The following POLA1 variants were observed in gnomAD, a reference collection of about 807,000 sequenced individuals.
POLA1 encodes DNA polymerase alpha catalytic subunit.
Under a neutral mutation model 124.0 loss-of-function variants are expected in POLA1, and 15 were observed. The observed-to-expected ratio is 0.12, with a 90% CI of 0.08 to 0.19. POLA1 has a LOEUF of 0.19. Among genes scored for constraint, POLA1 ranks in the 10% least tolerant of loss-of-function variants. The pLI is 1.00. For synonymous variants in POLA1, 408 were observed against 389.4 expected, an observed-to-expected ratio of 1.05 and a Z score of -0.56; for missense variants, 886 against 1,103.4, an observed-to-expected ratio of 0.80 and a Z score of 2.79.
Position 24,896,381 on chromosome X carries a change from C to T in POLA1, c.4164+8259C>T, listed in dbSNP as rs777221736. Reference sequence around the variant, plus strand: ...CCCATGGGCTGCATGTGGCCCAGGACGGCTTTGAATGCAGCCCAACTCAAA... The same window carrying T: ...CCCATGGGCTGCATGTGGCCCAGGATGGCTTTGAATGCAGCCCAACTCAAA... On this transcript the variant is annotated intron_variant, in intron 35 of 36. Transcript: ENST00000379068. 1.4e-4 allele frequency among the ~76,000 whole-genome samples: 16 copies of T among 112,369 alleles called. No individual in the cohort carries two copies. In the East Asian group the frequency reaches 2.8e-3, roughly 20 times the overall value.
intron 34 of POLA1, among the ~76,000 whole-genome samples, chrX:24,868,063 T>C (rs1249958271): frequency 8.9e-6 from 1 of 112,010 alleles, no homozygotes; most frequent in Non-Finnish European, 1.9e-5. Context: ...GTTCGTATTT[T>C]GTGCTGTACG....
At chrX:24,728,574 C>T (rs952796709) in intron 15 of POLA1, among the ~76,000 whole-genome samples, 7 of 111,839 alleles carry the variant, frequency 6.3e-5, no homozygotes, top group Non-Finnish European at 7.5e-5. Context: ...CACTCCTACT[C>T]TCCAGTTTTT....
In POLA1 at chrX:24,932,060, G is replaced by C. The variant is rs988560695; in HGVS notation, c.4261+1511G>C. Among the ~76,000 whole-genome samples, 3 of 111,901 alleles carry C rather than the reference G, an allele frequency of 2.7e-5. No homozygotes were observed. The South Asian group carries it at 1.1e-3, about 42-fold the overall frequency. On this transcript the variant is annotated intron_variant, in intron 36 of 36. Coordinates refer to ENST00000379068, the MANE Select transcript of POLA1 (RefSeq NM_001330360.2). ...ATTATAGGCATGTGCCACCACACCT[G>C]GCCAATTTTTGTATTTCTAGTAGAG...
intron 36 of POLA1, among the ~76,000 whole-genome samples, chrX:24,972,697 G>A (rs1330323361): frequency 8.9e-6 from 1 of 112,112 alleles, no homozygotes; most frequent in African/African-American, 3.2e-5. Flanking sequence ...CCATAGACCT[G>A]GCTGTCACAG....
intron 4 of POLA1, among the ~76,000 whole-genome samples, chrX:24,712,889 G>A (rs1311276493): frequency 3.6e-5 from 4 of 111,730 alleles, no homozygotes; most frequent in Non-Finnish European, 5.6e-5. Context: ...TAAGTAATTG[G>A]GTCTTATTCT....
intron 36 of POLA1, among the ~76,000 whole-genome samples, chrX:24,940,307 G>A (rs1219237881): frequency 2.7e-5 from 3 of 111,733 alleles, no homozygotes; most frequent in South Asian, 3.7e-4. Context: ...TCCCAGAACC[G>A]TTTTTGGTCT....
Position 24,821,399 on chromosome X carries a change from G to T in POLA1, c.3430-53G>T, listed in dbSNP as rs751565232. ...GCAAAGATGTTTTTAGTGTATATCT[G>T]TGTAAGAAGGGTTTTATTTTAAGGC... On this transcript the variant is annotated intron_variant, in intron 30 of 36. Coordinates refer to ENST00000379068, the MANE Select transcript of POLA1 (RefSeq NM_001330360.2). 86 of 1,060,142 alleles carry T rather than the reference G, an allele frequency of 8.1e-5. No homozygotes were observed. The South Asian group carries it at 1.8e-3, about 23-fold the overall frequency. The allele number at this position is 1,060,142 out of a possible 1,213,427, so 87.4% of individuals were successfully genotyped here.
chrX:24,789,860 C>T (rs1314731798), intron 26 of POLA1, among the ~76,000 whole-genome samples: 1 of 110,448 alleles, frequency 9.1e-6, no homozygotes, highest in Non-Finnish European at 1.9e-5. Context: ...AACTTGAAAG[C>T]CGCTGAGTGC....
At chrX:24,725,149 A>G (rs1354607762) in intron 12 of POLA1, among the ~76,000 whole-genome samples, 1 of 105,509 alleles carries the variant, frequency 9.5e-6, no homozygotes, top group Non-Finnish European at 1.9e-5. Flanking sequence ...TCCTAGCCCT[A>G]TTACTTACTA....
intron 26 of POLA1, among the ~76,000 whole-genome samples, chrX:24,769,429 G>A (rs1385782889): frequency 1.8e-5 from 2 of 111,664 alleles, no homozygotes; most frequent in African/African-American, 6.5e-5. Context: ...TCCTTCCAGG[G>A]CAGCCTGTCT....
intron 36 of POLA1, among the ~76,000 whole-genome samples, chrX:24,963,674 C>T (rs954139840): frequency 4.5e-5 from 5 of 111,060 alleles, no homozygotes; most frequent in Admixed American, 1.9e-4. Flanking sequence ...CAGTAAATGC[C>T]ACTCATTTGA....
At chrX:24,752,548 A>G (rs1569296403) in intron 26 of POLA1, among the ~76,000 whole-genome samples, 1 of 112,118 alleles carries the variant, frequency 8.9e-6, no homozygotes, top group East Asian at 2.8e-4. Flanking sequence ...TAAACCATGA[A>G]GAAAAGGGGT....
chrX:24,739,898 C>T (rs952840184), intron 20 of POLA1, among the ~76,000 whole-genome samples: 4 of 111,697 alleles, frequency 3.6e-5, no homozygotes, highest in African/African-American at 1.3e-4. Context: ...TTTCTTCCTC[C>T]TACTCCTCTG....
At chrX:24,795,536 A>G (rs976930157) in intron 26 of POLA1, among the ~76,000 whole-genome samples, 10 of 111,279 alleles carry the variant, frequency 9.0e-5, no homozygotes, top group African/African-American at 2.9e-4. Flanking sequence ...AATCAGATCT[A>G]TTGCTTAGAT....
chrX:24,809,762 CTGT>C (rs778951490), intron 26 of POLA1, 133 bp from the exon 27 acceptor site: 1 of 403,557 alleles, frequency 2.5e-6, no homozygotes, highest in African/African-American at 2.5e-5. Context: ...ATTTTAAGGG[CTGT>C]TGTTAGAAAA....
At chrX:24,939,332 T>C (rs1331142639) in intron 36 of POLA1, among the ~76,000 whole-genome samples, 2 of 112,628 alleles carry the variant, frequency 1.8e-5, no homozygotes, top group Non-Finnish European at 3.8e-5. Flanking sequence ...AGCCATAATG[T>C]GAGCTAATCA....
At chrX:24,849,788 G>A (rs1373212088) in intron 34 of POLA1, among the ~76,000 whole-genome samples, 1 of 110,861 alleles carries the variant, frequency 9.0e-6, no homozygotes, top group Non-Finnish European at 1.9e-5. Context: ...CTGCTACCAA[G>A]CCTGGCTAAT....
Position 24,826,469 on chromosome X carries a change from G to A in POLA1, c.3604G>A (p.Glu1202Lys). The A allele has an allele frequency of 3.3e-6, 4 of 1,206,883 alleles. No homozygotes were observed. Among genetic ancestry groups the A allele is most frequent in the Non-Finnish European group, 4.5e-6 (4 of 891,909 alleles). ...LTASQRAYAPEQLQKQDNLTI... is the reference protein window; with the variant it reads ...LTASQRAYAPKQLQKQDNLTI... ...TGCAAGTCAGAGGGCCTATGCGCCT[G>A]AGCAGCTGCAGAAACAGGATAATCT... The change falls in exon 32 of 37, where the codon GAG becomes AAG. Residue 1202 changes from glutamate to lysine, a missense_variant. Glu to Lys is a moderately conservative substitution (Grantham distance 56, BLOSUM62 1). Transcript: ENST00000379068.
At chrX:24,860,356 T>C (rs1016661446) in intron 34 of POLA1, among the ~76,000 whole-genome samples, 1 of 112,500 alleles carries the variant, frequency 8.9e-6, no homozygotes, top group African/African-American at 3.2e-5. Context: ...AGAGCTGTTA[T>C]ATTTATTGGT....
Sources: allele counts gnomAD v4.1 joint callset (sites outside exome capture counted in the v4.1 genomes callset), GRCh38; gene constraint gnomAD v4.1.1; transcripts MANE v1.5; gene names NCBI Gene and HGNC (gene_info 2026-07-23, HGNC 2026-07-21).